DTD1: variants seen among roughly 807,000 people sequenced by gnomAD.
DTD1 encodes the protein D-aminoacyl-tRNA deacylase 1.
DTD1 carries 13 observed loss-of-function variants against 25.6 expected under a neutral mutation model. That is an observed-to-expected ratio of 0.51 (90% CI 0.33 to 0.81). The LOEUF is 0.81. Ranked by LOEUF, DTD1 falls within the 30% of genes least tolerant of loss-of-function variation. DTD1 has a pLI of 0.02. For synonymous variants in DTD1, 110 were observed against 103.6 expected (o/e 1.06, Z -0.37); for missense variants, 193 against 266.4 (o/e 0.72, Z 1.92).
chr20:18,663,008 A>C (rs1349048782), intron 4 of DTD1, among the ~76,000 whole-genome samples: 2 of 152,098 alleles, frequency 1.3e-5, no homozygotes, highest in Non-Finnish European at 2.9e-5. Context: ...TGGGGCAGGA[A>C]CCATGTGTCT....
chr20:18,648,205 A>G (rs905589586), intron 4 of DTD1, among the ~76,000 whole-genome samples: 3 of 152,214 alleles, frequency 2.0e-5, no homozygotes, highest in Admixed American at 1.3e-4. Context: ...CAACTGCAGG[A>G]TCTGTGGCTG....
chr20:18,612,856 A>T (rs1412457822), intron 3 of DTD1, among the ~76,000 whole-genome samples: 4 of 151,986 alleles, frequency 2.6e-5, no homozygotes, highest in Non-Finnish European at 2.9e-5. Flanking sequence ...GCAGGGTTTC[A>T]CCATGTTGGC....
chr20:18,683,090 A>G (rs372664460), intron 4 of DTD1, among the ~76,000 whole-genome samples: 17 of 152,318 alleles, frequency 1.1e-4, no homozygotes, highest in African/African-American at 2.9e-4. Flanking sequence ...TGGACTTCCA[A>G]ACAGAATGCT....
At chr20:18,595,225 A>G (rs1255200475) in intron 2 of DTD1, among the ~76,000 whole-genome samples, 3 of 152,136 alleles carry the variant, frequency 2.0e-5, no homozygotes, top group African/African-American at 7.2e-5. Flanking sequence ...CATATTTGCA[A>G]TAACCATGAT....
intron 4 of DTD1, among the ~76,000 whole-genome samples, chr20:18,702,661 A>G (rs1342835240): frequency 6.6e-6 from 1 of 151,728 alleles, no homozygotes. Context: ...TACTGAAGAG[A>G]ACATGCCTGC....
chr20:18,641,021 G>A (rs1450022735), intron 4 of DTD1, among the ~76,000 whole-genome samples: 3 of 152,170 alleles, frequency 2.0e-5, no homozygotes, highest in East Asian at 3.9e-4. Context: ...CACTGGCAAC[G>A]GCCCTTCTAT....
In DTD1 at chr20:18,651,882, G is replaced by A. The variant is rs1027415114; in HGVS notation, c.477+23649G>A. On this transcript the variant is annotated intron_variant, in intron 4 of 5. Transcript: ENST00000377452. Reference sequence around the variant, plus strand: ...TGCCAGATTCTTGTAGCTGGGCAGGGATGGAGGTAGATCTGGGGTCTTTCA... The same window carrying A: ...TGCCAGATTCTTGTAGCTGGGCAGGAATGGAGGTAGATCTGGGGTCTTTCA... 4.4e-4 allele frequency among the ~76,000 whole-genome samples: 67 copies of A among 152,196 alleles called. 1 individual carries two copies. Among genetic ancestry groups the A allele is most frequent in the Admixed American group, 3.9e-4 (6 of 15,282 alleles).
At chr20:18,601,625 C>T (rs1415093238) in intron 3 of DTD1, among the ~76,000 whole-genome samples, 6 of 152,008 alleles carry the variant, frequency 3.9e-5, no homozygotes, top group Admixed American at 6.5e-5. Context: ...CCCTGACCCC[C>T]GAGCAGCCTA....
At chr20:18,731,784 C>T (rs1228441661) in intron 4 of DTD1, among the ~76,000 whole-genome samples, 1 of 152,192 alleles carries the variant, frequency 6.6e-6, no homozygotes, top group African/African-American at 2.4e-5. Context: ...CTGTTATGCA[C>T]CACAAAGCTG....
At chr20:18,757,527 A>G (rs4299402) in intron 5 of DTD1, among the ~76,000 whole-genome samples, 83,998 of 152,046 alleles carry the variant, frequency 0.55, 24,192 homozygotes, top group Non-Finnish European at 0.62. Flanking sequence ...CTATTGAGAT[A>G]ATCATGTGGT....
rs189582392 is a variant in DTD1, at chr20:18,618,382, C to G, written c.371-9745C>G. 1.1e-3 allele frequency among the ~76,000 whole-genome samples: 167 copies of G among 151,376 alleles called. 1 individual carries two copies. Among genetic ancestry groups the G allele is most frequent in the African/African-American group, 3.9e-3 (159 of 41,232 alleles). On this transcript the variant is annotated intron_variant, in intron 3 of 5. Coordinates refer to ENST00000377452, the MANE Select transcript of DTD1 (RefSeq NM_080820.6). ...TGTTTTTTTTTGAGACAGGGTCTGG[C>G]TCTTTGTCACCCAGGCTGGACTGTA...
intron 4 of DTD1, among the ~76,000 whole-genome samples, chr20:18,727,763 T>C (rs2061227465): frequency 6.6e-6 from 1 of 152,222 alleles, no homozygotes; most frequent in African/African-American, 2.4e-5. Context: ...GTGACCTTTG[T>C]GCATGGCTTC....
intron 3 of DTD1, among the ~76,000 whole-genome samples, chr20:18,597,202 TAG>T (rs1200241753): frequency 7.8e-6 from 1 of 128,476 alleles, no homozygotes; most frequent in African/African-American, 2.9e-5. Context: ...TGTGTGTGTA[TAG>T]AGAGAAGGAG....
intron 4 of DTD1, among the ~76,000 whole-genome samples, chr20:18,653,577 G>A (rs189244175): frequency 2.4e-3 from 359 of 152,304 alleles, no homozygotes; most frequent in Non-Finnish European, 3.0e-3. Flanking sequence ...ACTGTGAAAG[G>A]TGTATGATCT....
chr20:18,715,152 G>A (rs772152944), intron 4 of DTD1, among the ~76,000 whole-genome samples: 2 of 152,098 alleles, frequency 1.3e-5, no homozygotes, highest in Non-Finnish European at 2.9e-5. Flanking sequence ...TGAGTCCTAA[G>A]TAGTGACCAA....
At chr20:18,725,659 A>G (rs1180104493) in intron 4 of DTD1, among the ~76,000 whole-genome samples, 1 of 152,070 alleles carries the variant, frequency 6.6e-6, no homozygotes, top group Non-Finnish European at 1.5e-5. Context: ...GAACTCTCCG[A>G]GGTGTTCCTG....
At chr20:18,649,188 G>A (rs1206384498) in intron 4 of DTD1, among the ~76,000 whole-genome samples, 1 of 151,796 alleles carries the variant, frequency 6.6e-6, no homozygotes, top group Non-Finnish European at 1.5e-5. Context: ...TGATGAGTCA[G>A]GAGGGACTGT....
At chr20:18,623,385 T>A (rs1248718932) in intron 3 of DTD1, among the ~76,000 whole-genome samples, 3 of 152,166 alleles carry the variant, frequency 2.0e-5, no homozygotes, top group Non-Finnish European at 4.4e-5. Flanking sequence ...GCTTTAATCT[T>A]CTTCACTCTT....
chr20:18,599,590 C>G (rs1040633553), intron 3 of DTD1, among the ~76,000 whole-genome samples: 1 of 152,232 alleles, frequency 6.6e-6, no homozygotes. Context: ...TGTTAAGAAG[C>G]TGCCAAACTG....
Sources: gnomAD v4.1 joint callset for allele counts (sites outside exome capture counted in the v4.1 genomes callset) on GRCh38, gnomAD v4.1.1 for gene constraint, MANE v1.5 for transcripts, NCBI Gene and HGNC (gene_info 2026-07-23, HGNC 2026-07-21) for gene names.